The following CTNNA3 variants were observed in gnomAD, a reference collection of about 807,000 sequenced individuals.
CTNNA3 encodes catenin alpha 3, also known as catenin alpha-3.
CTNNA3 carries 76 observed loss-of-function variants against 95.7 expected under a neutral mutation model. The ratio of observed to expected loss-of-function variants is 0.79; its 90% CI spans 0.66 to 0.96. The LOEUF (loss-of-function observed/expected upper bound fraction) is 0.96. Among genes scored for constraint, CTNNA3 ranks in the 40% least tolerant of loss-of-function variants. The pLI, the probability that CTNNA3 is intolerant of heterozygous loss-of-function variation, is 0.00. For synonymous variants in CTNNA3, 431 were observed against 374.4 expected, an observed-to-expected ratio of 1.15 and a Z score of -1.74; for missense variants, 1,191 against 1,089.8, an observed-to-expected ratio of 1.09 and a Z score of -1.31.
At chr10:67,158,068 G>A (rs943463155) in intron 7 of CTNNA3, among the ~76,000 whole-genome samples, 15 of 151,676 alleles carry the variant, frequency 9.9e-5, no homozygotes, top group Admixed American at 6.6e-4. Context: ...TGCCCCCACC[G>A]GGTTATACTG....
chr10:67,061,007 T>C (rs1468298579), intron 7 of CTNNA3, among the ~76,000 whole-genome samples: 1 of 152,116 alleles, frequency 6.6e-6, no homozygotes. Flanking sequence ...CAAAGAGTCA[T>C]GGGAACCTTC....
intron 7 of CTNNA3, among the ~76,000 whole-genome samples, chr10:66,918,009 G>A (rs1291290511): frequency 4.6e-5 from 7 of 152,110 alleles, no homozygotes; most frequent in East Asian, 1.9e-4. Flanking sequence ...AAAACTAGAC[G>A]TTTTACAATG....
intron 5 of CTNNA3, among the ~76,000 whole-genome samples, chr10:67,244,289 T>A (rs1206663205): frequency 6.6e-6 from 1 of 152,194 alleles, no homozygotes; most frequent in Non-Finnish European, 1.5e-5. Flanking sequence ...TTGCTTTGAC[T>A]CTCAGGATGT....
chr10:67,138,883 A>G (rs1860416283), intron 7 of CTNNA3, among the ~76,000 whole-genome samples: 1 of 152,156 alleles, frequency 6.6e-6, no homozygotes, highest in African/African-American at 2.4e-5. Flanking sequence ...CTATAGGGGT[A>G]GGGACAGTGG....
intron 5 of CTNNA3, among the ~76,000 whole-genome samples, chr10:67,267,843 G>A (rs1437845202): frequency 6.6e-6 from 1 of 152,084 alleles, no homozygotes; most frequent in Non-Finnish European, 1.5e-5. Context: ...TTTATTATAT[G>A]TACTATTTTG....
chr10:66,568,404 C>T (rs1366215869), intron 10 of CTNNA3, among the ~76,000 whole-genome samples: 3 of 152,098 alleles, frequency 2.0e-5, no homozygotes, highest in East Asian at 3.9e-4. Context: ...AAGGCAATTT[C>T]AATGTATGAG....
At chr10:66,877,124 G>C (rs1844655879) in intron 7 of CTNNA3, among the ~76,000 whole-genome samples, 1 of 151,990 alleles carries the variant, frequency 6.6e-6, no homozygotes, top group South Asian at 2.1e-4. Context: ...CCTACTTCAT[G>C]GTTGGCCAGC....
At chr10:67,579,950 A>G (rs1477938335) in intron 3 of CTNNA3, among the ~76,000 whole-genome samples, 2 of 152,192 alleles carry the variant, frequency 1.3e-5, no homozygotes, top group Non-Finnish European at 2.9e-5. Flanking sequence ...GATTCTGGAT[A>G]TTAGCCCTTT....
chr10:67,635,357 T>A (rs925263844), intron 2 of CTNNA3, among the ~76,000 whole-genome samples: 17 of 152,072 alleles, frequency 1.1e-4, no homozygotes, highest in African/African-American at 3.4e-4. Context: ...CTGGCAGAGA[T>A]ACAACCAAAC....
At chr10:67,224,350 T>C (rs914908779) in intron 5 of CTNNA3, among the ~76,000 whole-genome samples, 4 of 152,228 alleles carry the variant, frequency 2.6e-5, no homozygotes, top group Admixed American at 1.3e-4. Flanking sequence ...TATTTATCTT[T>C]CTGTGCCGGG....
At chr10:67,579,558 G>A (rs1056671544) in intron 3 of CTNNA3, among the ~76,000 whole-genome samples, 1 of 151,994 alleles carries the variant, frequency 6.6e-6, no homozygotes, top group African/African-American at 2.4e-5. Context: ...TGATCCTTTG[G>A]GTATATACCC....
chr10:67,572,776 C>T (rs761962556), intron 3 of CTNNA3, among the ~76,000 whole-genome samples: 2 of 152,012 alleles, frequency 1.3e-5, no homozygotes, highest in African/African-American at 2.4e-5. Flanking sequence ...GATTAGGTGC[C>T]CCAAGGAGAA....
intron 5 of CTNNA3, among the ~76,000 whole-genome samples, chr10:67,371,506 T>C (rs2132703086): frequency 6.6e-6 from 1 of 152,140 alleles, no homozygotes; most frequent in East Asian, 1.9e-4. Context: ...TGCAATAGTT[T>C]GCTGAGAATG....
At chr10:66,629,278 TA>T (rs1338922669) in intron 9 of CTNNA3, among the ~76,000 whole-genome samples, 1 of 152,054 alleles carries the variant, frequency 6.6e-6, no homozygotes, top group Non-Finnish European at 1.5e-5. Flanking sequence ...TGAGGTAAAG[TA>T]ACCCCATGAG....
intron 5 of CTNNA3, among the ~76,000 whole-genome samples, chr10:67,409,552 A>G (rs569666569): frequency 6.8e-6 from 1 of 147,744 alleles, no homozygotes; most frequent in Admixed American, 6.7e-5. Context: ...ACATGAACAC[A>G]TTGAGGGGAA....
intron 14 of CTNNA3, among the ~76,000 whole-genome samples, chr10:66,101,386 A>G (rs1342591970): frequency 6.6e-6 from 1 of 152,114 alleles, no homozygotes. Context: ...CTCAAAGAAC[A>G]TTTTTTCTCC....
Position 66,113,486 on chromosome 10 carries a change from G to A in CTNNA3, c.1885-10237C>T, listed in dbSNP as rs115308993. 2.4e-3 allele frequency among the ~76,000 whole-genome samples: 371 copies of A among 152,190 alleles called. 2 individuals carry two copies. The highest frequency in any genetic ancestry group is 8.3e-3 in the African/African-American group (346 of 41,530). On this transcript the variant is annotated intron_variant, in intron 13 of 17. Transcript: ENST00000433211. ...TCTTACAACATAAGGCTGGAACTAT[G>A]GTAGAACATAATATCTAGGATTGAC... is the stretch of plus-strand genomic sequence containing the variant.
intron 9 of CTNNA3, among the ~76,000 whole-genome samples, chr10:66,686,335 C>T (rs1203878301): frequency 6.6e-6 from 1 of 152,134 alleles, no homozygotes; most frequent in Non-Finnish European, 1.5e-5. Context: ...CATAATGACA[C>T]ACCTGTCAGC....
chr10:67,061,325 A>G (rs572716550), intron 7 of CTNNA3, among the ~76,000 whole-genome samples: 314 of 152,340 alleles, frequency 2.1e-3, no homozygotes, highest in African/African-American at 7.3e-3. Context: ...TGCTACACCA[A>G]TATGTGAACT....
Sources: gnomAD v4.1 joint callset for allele counts (sites outside exome capture counted in the v4.1 genomes callset) on GRCh38, gnomAD v4.1.1 for gene constraint, MANE v1.5 for transcripts, NCBI Gene and HGNC (gene_info 2026-07-23, HGNC 2026-07-21) for gene names.